Variants in ADGRL2 observed in about 807,000 individuals in gnomAD.
The protein encoded by ADGRL2 is calcium-independent alpha-latrotoxin receptor 2.
Under a neutral mutation model 157.4 loss-of-function variants are expected in ADGRL2, and 44 were observed. The ratio of observed to expected loss-of-function variants is 0.28; its 90% CI spans 0.22 to 0.36. The LOEUF (loss-of-function observed/expected upper bound fraction) is 0.36. Among genes scored for constraint, ADGRL2 ranks in the 10% least tolerant of loss-of-function variants. The pLI, the probability that ADGRL2 is intolerant of heterozygous loss-of-function variation, is 1.00. For missense variants in ADGRL2, 1,510 were observed against 1,768.9 expected (o/e 0.85, Z 2.63); for synonymous variants, 585 against 624.7 (o/e 0.94, Z 0.95).
chr1:81,385,226 A>C (rs1376319724), intron 1 of ADGRL2, among the ~76,000 whole-genome samples: 1 of 152,170 alleles, frequency 6.6e-6, no homozygotes, highest in Non-Finnish European at 1.5e-5. Flanking sequence ...ACCCACTATT[A>C]TTCTTTAGCA....
chr1:81,389,070 C>A (rs765930540), intron 1 of ADGRL2, among the ~76,000 whole-genome samples: 14 of 152,112 alleles, frequency 9.2e-5, no homozygotes, highest in Non-Finnish European at 1.9e-4. Flanking sequence ...TCTCTGGATC[C>A]CCACCTTTTC....
intron 1 of ADGRL2, among the ~76,000 whole-genome samples, chr1:81,375,136 G>T (rs1166784577): frequency 1.3e-5 from 2 of 152,210 alleles, no homozygotes; most frequent in African/African-American, 4.8e-5. Context: ...ATAAAAAGAT[G>T]TGAGCACCTG....
intron 2 of ADGRL2, among the ~76,000 whole-genome samples, chr1:81,462,098 T>C (rs2077946171): frequency 6.6e-6 from 1 of 152,018 alleles, no homozygotes; most frequent in South Asian, 2.1e-4. Context: ...AGCTAGAGGA[T>C]TGTAAACACA....
intron 2 of ADGRL2, among the ~76,000 whole-genome samples, chr1:81,765,579 T>C (rs1281949780): frequency 6.6e-6 from 1 of 152,038 alleles, no homozygotes; most frequent in Non-Finnish European, 1.5e-5. Flanking sequence ...ATTCCAATTT[T>C]TTCTAAGATA....
At position 81,990,618 on chromosome 1, in the gene ADGRL2, C is replaced by G. The variant is rs779581570; in HGVS notation, c.3883C>G (p.Leu1295Val). The G allele has an allele frequency of 6.2e-7, 1 of 1,614,152 alleles. No individual in the cohort carries two copies. Among genetic ancestry groups the G allele is most frequent in the South Asian group, 1.1e-5 (1 of 91,090 alleles). ...CAAGACTCACAACCTCGAGCTCACG[C>G]TACCAGTCAAACCTGTGATTGGAGG... ...SSKTHNLELT[L>V]PVKPVIGGSS... The change falls in exon 24 of 24, where the codon CTA becomes GTA. Residue 1295 changes from leucine (L) to valine (V), a missense_variant. Coordinates refer to ENST00000686636, the MANE Select transcript of ADGRL2 (RefSeq NM_001366006.2).
intron 2 of ADGRL2, among the ~76,000 whole-genome samples, chr1:81,575,033 G>T (rs2080770796): frequency 6.6e-6 from 1 of 152,116 alleles, no homozygotes; most frequent in South Asian, 2.1e-4. Flanking sequence ...CTCTTTAGTT[G>T]CTTCTGTTTA....
At chr1:81,968,586 T>C (rs1657820962) in intron 14 of ADGRL2, among the ~76,000 whole-genome samples, 1 of 152,204 alleles carries the variant, frequency 6.6e-6, no homozygotes, top group Non-Finnish European at 1.5e-5. Context: ...CTAACCACTT[T>C]GCACATTGTG....
intron 2 of ADGRL2, among the ~76,000 whole-genome samples, chr1:81,525,227 T>G (rs191357818): frequency 3.7e-4 from 57 of 152,160 alleles, no homozygotes; most frequent in Middle Eastern, 6.8e-3. Flanking sequence ...TTCAAACCAG[T>G]AAGCTTGAAA....
At chr1:81,812,023 C>G (rs192554778) in intron 1 of ADGRL2, among the ~76,000 whole-genome samples, 2 of 151,724 alleles carry the variant, frequency 1.3e-5, no homozygotes, top group Admixed American at 1.3e-4. Flanking sequence ...CCATCTTAAC[C>G]AGGATGGAGG....
rs746319816 is a variant in ADGRL2 at position 81,906,998 on chromosome 1, C to T, written c.74-19C>T. Reference sequence around the variant, plus strand: ...TATAAATGAGTTACAGTTTAATTTTCTTTCTTTTTTATTTTAAGGTTTCAG... The same window carrying T: ...TATAAATGAGTTACAGTTTAATTTTTTTTCTTTTTTATTTTAAGGTTTCAG... On this transcript the variant is annotated intron_variant, in intron 2 of 23. Transcript: ENST00000686636. The T allele has an allele frequency of 1.3e-6, 2 of 1,589,550 alleles. No individual in the cohort carries two copies.
Position 81,837,041 on chromosome 1 carries a change from C to T in ADGRL2, c.57C>T (p.Phe19=). The T allele has an allele frequency of 6.3e-7, 1 of 1,588,650 alleles. No homozygotes were observed. Among genetic ancestry groups the T allele is most frequent in the Non-Finnish European group, 8.6e-7 (1 of 1,168,292 alleles). The change falls in exon 2 of 24, where the codon TTC becomes TTT. Residue 19 remains phenylalanine (F), a synonymous_variant. Transcript: ENST00000686636. ...TGTGGTTTATCATTGTAATCAGCTT[C>T]TTACCAAATACAGAAGGTAAGATCC... is the stretch of plus-strand genomic sequence containing the variant. ...RSLWFIIVIS[F]LPNTEGFSRA...
At chr1:81,514,732 A>G (rs1369468799) in intron 2 of ADGRL2, 1 of 152,222 alleles carries the variant, frequency 6.6e-6, no homozygotes, top group Non-Finnish European at 1.5e-5. Flanking sequence ...TTGATTTGTC[A>G]AGCTTATAAG....
At chr1:81,311,225 G>C (rs1034059955) in intron 1 of ADGRL2, among the ~76,000 whole-genome samples, 6 of 152,246 alleles carry the variant, frequency 3.9e-5, no homozygotes, top group Middle Eastern at 6.8e-3. Flanking sequence ...GATGTACCAG[G>C]ATTAGAAAGT....
At chr1:81,519,606 A>G (rs924647661) in intron 2 of ADGRL2, among the ~76,000 whole-genome samples, 1 of 152,234 alleles carries the variant, frequency 6.6e-6, no homozygotes, top group Non-Finnish European at 1.5e-5. Context: ...TGATGATGAT[A>G]ATAACTATTG....
At chr1:81,617,498 A>G (rs565328115) in intron 3 of ADGRL2, among the ~76,000 whole-genome samples, 16 of 152,202 alleles carry the variant, frequency 1.1e-4, no homozygotes, top group Admixed American at 5.9e-4. Flanking sequence ...AATCTCCCCA[A>G]TTGCCAGCAG....
intron 1 of ADGRL2, among the ~76,000 whole-genome samples, chr1:81,830,140 T>C (rs994332933): frequency 2.0e-5 from 3 of 152,196 alleles, no homozygotes; most frequent in African/African-American, 7.2e-5. Flanking sequence ...GATTATTAAT[T>C]TCTTGAAGGT....
rs568233664 is a variant in ADGRL2 at position 81,691,303 on chromosome 1, A to G, written c.-142-70508A>G. On this transcript the variant is annotated intron_variant, in intron 3 of 24. Transcript: ENST00000370721. The stretch of plus-strand genomic sequence containing the variant: ...GTTCTGGGACTCATCTTTAGTAGTC[A>G]TTGGTATCAGTTCTGCTTGTTTTCT... Among the ~76,000 whole-genome samples, 187 of 150,160 alleles carry G rather than the reference A, an allele frequency of 1.2e-3. 1 individual carries two copies. The highest frequency in any genetic ancestry group is 4.0e-3 in the African/African-American group (162 of 40,864).
chr1:81,527,803 C>T (rs1040829742), intron 2 of ADGRL2, among the ~76,000 whole-genome samples: 2 of 152,088 alleles, frequency 1.3e-5, no homozygotes, highest in African/African-American at 4.8e-5. Flanking sequence ...CAAGGTGGCT[C>T]ACGCCTGTAA....
intron 1 of ADGRL2, among the ~76,000 whole-genome samples, chr1:81,821,713 A>G (rs78653703): frequency 0.021 from 3,265 of 152,294 alleles, 47 homozygotes; most frequent in Non-Finnish European, 0.033. Flanking sequence ...TCTTATATTT[A>G]ATTTGAGGAG....
Sources: allele counts gnomAD v4.1 joint callset (sites outside exome capture counted in the v4.1 genomes callset), GRCh38; gene constraint gnomAD v4.1.1; transcripts MANE v1.5; gene names NCBI Gene and HGNC (gene_info 2026-07-23, HGNC 2026-07-21).